The following PHTF2 variants were observed in gnomAD, a reference collection of about 807,000 sequenced individuals.
PHTF2 encodes the protein putative homeodomain transcription factor 2, also known as protein PHTF2.
In PHTF2, 60 loss-of-function variants were observed where a neutral mutation model predicts 101.2. That is an observed-to-expected ratio of 0.59 (90% CI 0.48 to 0.73). PHTF2 has a LOEUF of 0.73. Ranked by LOEUF, PHTF2 falls within the 30% of genes least tolerant of loss-of-function variation. The probability of loss-of-function intolerance (pLI) is 0.00; values close to 1 mark genes in which losing one functional copy is unlikely to be tolerated. For synonymous variants in PHTF2, 311 were observed against 307.3 expected (o/e 1.01, Z -0.13); for missense variants, 747 against 908.7 (o/e 0.82, Z 2.29).
At chr7:77,800,795 G>A (rs1348204010) in intron 1 of PHTF2, among the ~76,000 whole-genome samples, 1 of 152,204 alleles carries the variant, frequency 6.6e-6, no homozygotes, top group Non-Finnish European at 1.5e-5. Context: ...TTAGTCCTGT[G>A]AGATGGGTAC....
At chr7:77,871,112 C>G (rs1308867686) in intron 3 of PHTF2, among the ~76,000 whole-genome samples, 2 of 152,156 alleles carry the variant, frequency 1.3e-5, no homozygotes, top group Admixed American at 1.3e-4. Flanking sequence ...CAGCAAGCAC[C>G]TCAGCAAGTC....
rs761810500 is a variant in PHTF2, at chr7:77,840,346, C to T, written c.45+46C>T. 11 of 1,164,604 alleles carry T rather than the reference C, an allele frequency of 9.4e-6. No homozygotes were observed. The African/African-American group carries it at 1.7e-4, about 18-fold the overall frequency. The allele number at this position is 1,164,604 out of a possible 1,614,324, so 72.1% of individuals were successfully genotyped here. A position where few individuals can be genotyped will look rare whatever the true frequency, so the allele number is the denominator to read the frequency against. Reference sequence around the variant, plus strand: ...TTTAGCTTTCTAAATGTTTGAATTTCAAAAATACATGTTTATTTCATGCTA... The same window carrying T: ...TTTAGCTTTCTAAATGTTTGAATTTTAAAAATACATGTTTATTTCATGCTA... On this transcript the variant is annotated intron_variant, in intron 2 of 19. Transcript: ENST00000416283.
chr7:77,933,065 C>T (rs1804755424), intron 12 of PHTF2, among the ~76,000 whole-genome samples: 1 of 151,918 alleles, frequency 6.6e-6, no homozygotes, highest in Non-Finnish European at 1.5e-5. Context: ...GGTGAAACCC[C>T]ATCTCTACTA....
chr7:77,897,838 G>T (rs978564029), intron 5 of PHTF2, among the ~76,000 whole-genome samples: 7 of 152,068 alleles, frequency 4.6e-5, no homozygotes, highest in South Asian at 4.2e-4. Flanking sequence ...CCGCTACCAC[G>T]CCTGACTAAT....
At chr7:77,911,937 G>A (rs1802436303) in intron 9 of PHTF2, among the ~76,000 whole-genome samples, 1 of 152,186 alleles carries the variant, frequency 6.6e-6, no homozygotes, top group Non-Finnish European at 1.5e-5. Context: ...TTTAGTCACT[G>A]CAAAGTCAGT....
At chr7:77,811,129 T>C (rs886558615) in intron 1 of PHTF2, among the ~76,000 whole-genome samples, 24 of 151,964 alleles carry the variant, frequency 1.6e-4, no homozygotes, top group African/African-American at 2.2e-4. Context: ...CTCAAACTCC[T>C]GACCTCAAGT....
chr7:77,816,980 T>A (rs1488589791), intron 1 of PHTF2, among the ~76,000 whole-genome samples: 1 of 152,248 alleles, frequency 6.6e-6, no homozygotes, highest in African/African-American at 2.4e-5. Context: ...GTTGGGCATG[T>A]AGGTTGATTC....
At chr7:77,932,657 T>TGTGTGTGTGTGTGTG (rs1562962476) in intron 12 of PHTF2, among the ~76,000 whole-genome samples, 1 of 149,080 alleles carries the variant, frequency 6.7e-6, no homozygotes, top group African/African-American at 2.5e-5. Flanking sequence ...TGTGTGTGTG[T>TGTGTGTGTGTGTGTG]TCAAGCCAAT....
chr7:77,927,107 G>T (rs1804077132), intron 11 of PHTF2, among the ~76,000 whole-genome samples: 1 of 133,656 alleles, frequency 7.5e-6, no homozygotes, highest in African/African-American at 2.7e-5. Context: ...GCAGTGAGCT[G>T]AGATAGTGCT....
chr7:77,911,615 G>A (rs1051542957), intron 9 of PHTF2, among the ~76,000 whole-genome samples: 6 of 152,140 alleles, frequency 3.9e-5, no homozygotes, highest in African/African-American at 1.4e-4. Context: ...ATTTGTGATT[G>A]TGCTCTTAGG....
chr7:77,798,964 C>G lies in PHTF2; in HGVS notation c.-43C>G, dbSNP rs538158385. The G allele has an allele frequency of 9.2e-4, 141 of 152,856 alleles. 1 individual carries two copies. The highest frequency in any genetic ancestry group is 3.3e-3 in the African/African-American group (137 of 41,576). 9.5% of individuals were successfully genotyped at this position (152,856 alleles called of 1,614,324 possible). Reference sequence around the variant, plus strand: ...CCGCCTCCTAGCGGCGCGGCGCTCGCTCCTACGGTAAGAGCGGCATCACCT... The same window carrying G: ...CCGCCTCCTAGCGGCGCGGCGCTCGGTCCTACGGTAAGAGCGGCATCACCT... On this transcript the variant is annotated 5_prime_UTR_variant, in exon 1 of 20. Coordinates refer to ENST00000416283, the Ensembl canonical transcript of PHTF2.
chr7:77,889,106 A>G (rs188377294), intron 3 of PHTF2, among the ~76,000 whole-genome samples: 2 of 152,296 alleles, frequency 1.3e-5, no homozygotes, highest in Non-Finnish European at 2.9e-5. Flanking sequence ...CATGACCCTA[A>G]GTCTTGAGAA....
intron 1 of PHTF2, among the ~76,000 whole-genome samples, chr7:77,800,688 G>GA (rs562066979): frequency 1.0e-3 from 154 of 152,206 alleles, no homozygotes; most frequent in African/African-American, 3.5e-3. Context: ...AATATGTAAT[G>GA]AAAAAAACCT....
At chr7:77,898,195 G>A (rs1175222154) in intron 5 of PHTF2, among the ~76,000 whole-genome samples, 2 of 152,048 alleles carry the variant, frequency 1.3e-5, no homozygotes, top group Admixed American at 1.3e-4. Context: ...CACATATCAA[G>A]ACAACTTACT....
intron 5 of PHTF2, among the ~76,000 whole-genome samples, chr7:77,898,694 A>G (rs1801099477): frequency 6.6e-6 from 1 of 152,212 alleles, no homozygotes; most frequent in African/African-American, 2.4e-5. Context: ...GTTTCTGTTT[A>G]AAGACACCTT....
chr7:77,850,415 G>A (rs1417737614), intron 2 of PHTF2, among the ~76,000 whole-genome samples: 1 of 145,424 alleles, frequency 6.9e-6, no homozygotes, highest in Non-Finnish European at 1.5e-5. Context: ...TAAGGCAGGA[G>A]GGTCTCTTGA....
At position 77,909,054 on chromosome 7, in the gene PHTF2, T is replaced by C. The variant is rs555172680; in HGVS notation, c.611+96T>C. The C allele has an allele frequency of 8.8e-6, 6 of 678,470 alleles. No individual in the cohort carries two copies. The East Asian group carries it at 1.2e-4, about 14-fold the overall frequency. The allele number at this position is 678,470 out of a possible 1,614,324, so 42.0% of individuals were successfully genotyped here. ...CTTACCTTCATAGACTAAAATCTTA[T>C]CTTGTAAGGTTGCTGTTTCAAAAAA... On this transcript the variant is annotated intron_variant, in intron 8 of 19. Coordinates refer to ENST00000416283, the Ensembl canonical transcript of PHTF2.
chr7:77,828,850 A>G lies in PHTF2; in HGVS notation c.-35-11371A>G, dbSNP rs200306827. On this transcript the variant is annotated intron_variant, in intron 1 of 19. Transcript: ENST00000416283. ...ACCACTGCACACCGGCCTGGGTGAC[A>G]GGGCGAGACTCCATCTCAAAAAAAA... Among the ~76,000 whole-genome samples, 7 of 151,748 alleles carry G rather than the reference A, an allele frequency of 4.6e-5. No individual in the cohort carries two copies. In the East Asian group the frequency reaches 1.2e-3, roughly 25 times the overall value.
intron 5 of PHTF2, among the ~76,000 whole-genome samples, chr7:77,899,994 T>C (rs1801243958): frequency 7.4e-6 from 1 of 134,902 alleles, no homozygotes. Context: ...TCACTAGTTT[T>C]GATCTACACC....
Sources: allele counts gnomAD v4.1 joint callset (sites outside exome capture counted in the v4.1 genomes callset), GRCh38; gene constraint gnomAD v4.1.1; transcripts MANE v1.5; gene names NCBI Gene and HGNC (gene_info 2026-07-23, HGNC 2026-07-21).